Variants in SGCD observed in about 807,000 individuals in gnomAD.
SGCD encodes sarcoglycan delta.
A neutral mutation model predicts 36.6 loss-of-function variants in SGCD; 18 were observed. The ratio of observed to expected loss-of-function variants is 0.49; its 90% CI spans 0.34 to 0.73. The LOEUF is 0.73. SGCD is among the 30% of genes least tolerant of loss of function. SGCD has a pLI of 0.01. For missense variants in SGCD, 387 were observed against 346.7 expected, an observed-to-expected ratio of 1.12 and a Z score of -0.92; for synonymous variants, 133 against 130.6, an observed-to-expected ratio of 1.02 and a Z score of -0.12.
intron 3 of SGCD, among the ~76,000 whole-genome samples, chr5:156,368,111 G>C (rs1330130341): frequency 6.7e-6 from 1 of 149,996 alleles, no homozygotes; most frequent in Non-Finnish European, 1.5e-5. Flanking sequence ...TTTTTTTCGA[G>C]ACGAAATCTC....
chr5:155,913,176 C>CTGGG (rs1756665976), intron 1 of SGCD, among the ~76,000 whole-genome samples: 3 of 152,092 alleles, frequency 2.0e-5, no homozygotes, highest in Non-Finnish European at 4.4e-5. Context: ...ACCTTTTGAA[C>CTGGG]AGAAACAAGG....
chr5:156,257,201 G>A (rs577255545), intron 3 of SGCD, among the ~76,000 whole-genome samples: 4 of 149,498 alleles, frequency 2.7e-5, no homozygotes, highest in African/African-American at 7.6e-5. Context: ...AAGGCCAGGC[G>A]CAGTGGCTCA....
intron 3 of SGCD, among the ~76,000 whole-genome samples, chr5:156,300,591 T>C (rs746127948): frequency 6.6e-6 from 1 of 152,116 alleles, no homozygotes; most frequent in Non-Finnish European, 1.5e-5. Flanking sequence ...TTCTGAAACC[T>C]TTGGATAGAA....
intron 6 of SGCD, among the ~76,000 whole-genome samples, chr5:156,632,637 G>A (rs1013969260): frequency 1.3e-5 from 2 of 152,152 alleles, no homozygotes; most frequent in Non-Finnish European, 2.9e-5. Flanking sequence ...AAGGGAAATG[G>A]GAACTCAAGA....
Position 156,001,179 on chromosome 5 carries a change from A to G in SGCD, c.-281-116699A>G, listed in dbSNP as rs563636308. 1.4e-3 allele frequency among the ~76,000 whole-genome samples: 210 copies of G among 152,308 alleles called. 1 individual carries two copies. The highest frequency in any genetic ancestry group is 4.8e-3 in the African/African-American group (201 of 41,580). On this transcript the variant is annotated intron_variant, in intron 1 of 9. Coordinates refer to the SGCD transcript ENST00000517913. ...TGTGGGACAGGCTCTGGGAGTTGAT[A>G]TATAAATGGTTATAGGCAGGTCGCT... is the stretch of plus-strand genomic sequence containing the variant.
intron 3 of SGCD, among the ~76,000 whole-genome samples, chr5:156,440,771 A>G (rs1753453326): frequency 6.6e-6 from 1 of 152,258 alleles, no homozygotes; most frequent in East Asian, 1.9e-4. Flanking sequence ...TCAGAGAAAC[A>G]TCTATTCAAA....
At chr5:155,735,714 C>A in the SGCD span, among the ~76,000 whole-genome samples, 9 of 152,186 alleles carry the variant, frequency 5.9e-5, no homozygotes, top group African/African-American at 2.2e-4. Context: ...TTGCTGAAAA[C>A]GAGAGAAGCA....
chr5:156,609,873 C>T (rs889674036), intron 6 of SGCD, among the ~76,000 whole-genome samples: 13 of 152,100 alleles, frequency 8.5e-5, no homozygotes, highest in South Asian at 2.1e-4. Flanking sequence ...ACATAGTTCT[C>T]GTGCCATGGT....
chr5:156,549,929 T>TA (rs1281474644), intron 4 of SGCD, among the ~76,000 whole-genome samples: 4 of 152,180 alleles, frequency 2.6e-5, no homozygotes, highest in African/African-American at 9.7e-5. Flanking sequence ...CTTATCAACA[T>TA]AAAAATAATA....
At chr5:155,882,804 C>T (rs1755917962) in intron 1 of SGCD, among the ~76,000 whole-genome samples, 1 of 152,192 alleles carries the variant, frequency 6.6e-6, no homozygotes, top group Non-Finnish European at 1.5e-5. Flanking sequence ...TTGGCTTCAA[C>T]TTGAAGTTAC....
At chr5:156,334,609 C>CTTTTTT (rs35767339) in intron 2 of SGCD, among the ~76,000 whole-genome samples, 142 of 105,054 alleles carry the variant, frequency 1.4e-3, no homozygotes, top group Non-Finnish European at 1.7e-3. Context: ...GGTCTATTTT[C>CTTTTTT]TTTTTTTTTT....
At chr5:156,683,848 C>T (rs1384368045) in intron 7 of SGCD, among the ~76,000 whole-genome samples, 1 of 152,158 alleles carries the variant, frequency 6.6e-6, no homozygotes, top group Non-Finnish European at 1.5e-5. Context: ...AAAGTGCCAG[C>T]ACACAGAGAC....
intron 4 of SGCD, among the ~76,000 whole-genome samples, chr5:156,524,734 CTTGTTTCACCT>C (rs1454875688): frequency 6.6e-6 from 1 of 151,930 alleles, no homozygotes; most frequent in Non-Finnish European, 1.5e-5. Flanking sequence ...TGATGAACAT[CTTGTTTCACCT>C]ACCCCACTCC....
intron 3 of SGCD, among the ~76,000 whole-genome samples, chr5:156,489,154 G>A (rs777590827): frequency 6.6e-6 from 1 of 151,890 alleles, no homozygotes; most frequent in Non-Finnish European, 1.5e-5. Flanking sequence ...ATTACAAAAG[G>A]ATCAATTCAG....
In SGCD at chr5:156,213,261, A is replaced by G. The variant is rs192765836; in HGVS notation, c.-44+89242A>G. On this transcript the variant is annotated intron_variant, in intron 3 of 9. Coordinates refer to the SGCD transcript ENST00000517913. ...AAACTGTCAAACCTTTAGCAAGACT[A>G]AGAAAAAAACTCAATATAGGAAATG... Among the ~76,000 whole-genome samples the G allele has an allele frequency of 5.3e-3, 809 of 152,128 alleles. 6 individuals are homozygous for G. Among genetic ancestry groups the G allele is most frequent in the Admixed American group, 3.8e-3 (58 of 15,288 alleles).
chr5:156,387,066 A>T (rs1369453323), intron 3 of SGCD, among the ~76,000 whole-genome samples: 2 of 152,164 alleles, frequency 1.3e-5, no homozygotes, highest in South Asian at 2.1e-4. Context: ...CATCAAGCAT[A>T]CACTTCCAAA....
At chr5:155,731,053 A>G in the SGCD span, among the ~76,000 whole-genome samples, 5 of 152,170 alleles carry the variant, frequency 3.3e-5, no homozygotes, top group Admixed American at 2.0e-4. Flanking sequence ...GATATTATGC[A>G]TTACAGAAAG....
chr5:155,857,746 CTCTT>C, the SGCD span, among the ~76,000 whole-genome samples: 17 of 151,418 alleles, frequency 1.1e-4, no homozygotes, highest in Non-Finnish European at 1.9e-4. Context: ...ATTTATCTTT[CTCTT>C]TCTTTTTTTG....
At chr5:156,619,573 A>AT (rs150081664) in intron 6 of SGCD, among the ~76,000 whole-genome samples, 2,674 of 152,288 alleles carry the variant, frequency 0.018, 31 homozygotes, top group Non-Finnish European at 0.029. Flanking sequence ...CTCCTTTCCT[A>AT]TTAATTATAT....
Sources: gnomAD v4.1 joint callset for allele counts (sites outside exome capture counted in the v4.1 genomes callset) on GRCh38, gnomAD v4.1.1 for gene constraint, MANE v1.5 for transcripts, NCBI Gene and HGNC (gene_info 2026-07-23, HGNC 2026-07-21) for gene names.